The following PTPRG variants were observed in gnomAD, a reference collection of about 807,000 sequenced individuals.
The protein encoded by PTPRG is receptor-type tyrosine-protein phosphatase gamma.
PTPRG carries 102 observed loss-of-function variants against 165.3 expected under a neutral mutation model. That is an observed-to-expected ratio of 0.62 (90% CI 0.53 to 0.73). The LOEUF (loss-of-function observed/expected upper bound fraction) is 0.73, where lower values mean the gene tolerates loss of function less well. Ranked by LOEUF, PTPRG falls within the 30% of genes least tolerant of loss-of-function variation. The pLI, the probability that PTPRG is intolerant of heterozygous loss-of-function variation, is 0.00. For missense variants in PTPRG, 1,866 were observed against 1,861.4 expected, an observed-to-expected ratio of 1.00 and a Z score of -0.05; for synonymous variants, 675 against 669.5, an observed-to-expected ratio of 1.01 and a Z score of -0.13.
At chr3:61,926,913 G>A (rs957569183) in intron 2 of PTPRG, among the ~76,000 whole-genome samples, 3 of 151,798 alleles carry the variant, frequency 2.0e-5, no homozygotes, top group East Asian at 1.9e-4. Context: ...AAAACAGTTC[G>A]GGGGGAAGAA....
chr3:61,748,560 G>T (rs1430997793), intron 1 of PTPRG, among the ~76,000 whole-genome samples: 1 of 152,088 alleles, frequency 6.6e-6, no homozygotes, highest in Non-Finnish European at 1.5e-5. Flanking sequence ...CCATAAAAGG[G>T]CCCCATTATT....
At chr3:61,698,875 T>C (rs1185883384) in intron 1 of PTPRG, among the ~76,000 whole-genome samples, 1 of 152,112 alleles carries the variant, frequency 6.6e-6, no homozygotes, top group East Asian at 1.9e-4. Context: ...TGTAGGGACA[T>C]GGATGAAACT....
chr3:61,935,656 T>G (rs1175686509), intron 2 of PTPRG, among the ~76,000 whole-genome samples: 1 of 151,970 alleles, frequency 6.6e-6, no homozygotes, highest in South Asian at 2.1e-4. Context: ...CTGATATCTT[T>G]TTTTAATCGT....
At chr3:61,940,602 G>T (rs2107604450) in intron 2 of PTPRG, among the ~76,000 whole-genome samples, 1 of 152,122 alleles carries the variant, frequency 6.6e-6, no homozygotes, top group African/African-American at 2.4e-5. Flanking sequence ...ATTTCTCAAG[G>T]GGATTTTATT....
chr3:62,261,943 C>T (rs1409413176), intron 16 of PTPRG: 1 of 152,144 alleles, frequency 6.6e-6, no homozygotes, highest in Non-Finnish European at 1.5e-5. Context: ...CTGTGTAAAA[C>T]ATTTCTCCTG....
At chr3:62,138,714 CAAAAA>C (rs563632840) in intron 6 of PTPRG, among the ~76,000 whole-genome samples, 9 of 91,388 alleles carry the variant, frequency 9.8e-5, no homozygotes, top group Non-Finnish European at 1.4e-4. Context: ...GGCAAAGCTC[CAAAAA>C]AAAAAAAAAA....
chr3:62,273,169 T>C lies in PTPRG; in HGVS notation c.3318+88T>C. 1 of 1,378,050 alleles carries C rather than the reference T, an allele frequency of 7.3e-7. No individual in the cohort carries two copies. Among genetic ancestry groups the C allele is most frequent in the African/African-American group, 1.5e-5 (1 of 68,300 alleles). 85.4% of individuals were successfully genotyped at this position (1,378,050 alleles called of 1,614,324 possible). Reference sequence around the variant, plus strand: ...AATGATAATGAAGAGACAGATTCATTCTTTTAGGGCTTGCAGTAATTTACA... The same window carrying C: ...AATGATAATGAAGAGACAGATTCATCCTTTTAGGGCTTGCAGTAATTTACA... On this transcript the variant is annotated intron_variant, in intron 22 of 29. Coordinates refer to ENST00000474889, the MANE Select transcript of PTPRG (RefSeq NM_002841.4). The surrounding 1 kb of genome is among the most constrained non-coding windows in gnomAD (Gnocchi z 4.1).
intron 1 of PTPRG, among the ~76,000 whole-genome samples, chr3:61,652,544 A>T (rs1432740688): frequency 6.6e-6 from 1 of 151,510 alleles, no homozygotes; most frequent in Non-Finnish European, 1.5e-5. Flanking sequence ...AGTGGAGCAA[A>T]TGTTCCCCTT....
At chr3:61,622,374 T>C in intron 1 of PTPRG, among the ~76,000 whole-genome samples, 1 of 152,162 alleles carries the variant, frequency 6.6e-6, no homozygotes, top group Admixed American at 6.6e-5. Flanking sequence ...TATTTGTAAT[T>C]AGTGCCTAAC....
At chr3:62,212,778 G>T (rs1007732453) in intron 12 of PTPRG, among the ~76,000 whole-genome samples, 1 of 152,160 alleles carries the variant, frequency 6.6e-6, no homozygotes, top group Non-Finnish European at 1.5e-5. Context: ...TGCCAACCTT[G>T]AACATTTCTA....
chr3:62,082,414 C>G (rs1342077079), intron 5 of PTPRG, among the ~76,000 whole-genome samples: 3 of 152,208 alleles, frequency 2.0e-5, no homozygotes, highest in African/African-American at 7.2e-5. Flanking sequence ...GTTACTTGCA[C>G]TTTGCCCCAT....
In PTPRG at chr3:62,015,056, G is replaced by C. The variant is rs182089540; in HGVS notation, c.519+11559G>C. On this transcript the variant is annotated intron_variant, in intron 4 of 29. Transcript: ENST00000474889. ...TAGGGAAACCCCAAATAGTTCAGTG[G>C]AGAGCTTTTCTTTCAGCCATGATGC... 2.3e-4 allele frequency among the ~76,000 whole-genome samples: 35 copies of C among 152,318 alleles called. 1 individual carries two copies. Among genetic ancestry groups the C allele is most frequent in the Admixed American group, 2.0e-3 (31 of 15,306 alleles).
In PTPRG at chr3:62,078,108, C is replaced by T. The variant is rs1701450967; in HGVS notation, c.520-55C>T. ...TACATTTATGGTACTATTCTCTCAA[C>T]TTTTTATTTATGTTTGAAAATTTTC... On this transcript the variant is annotated intron_variant, in intron 4 of 29. Transcript: ENST00000474889. The T allele has an allele frequency of 1.3e-5, 17 of 1,267,212 alleles. No homozygotes were observed. In the South Asian group the frequency reaches 2.1e-4, roughly 16 times the overall value. 78.5% of individuals were successfully genotyped at this position (1,267,212 alleles called of 1,614,324 possible).
chr3:61,728,251 A>G (rs114370248), intron 1 of PTPRG, among the ~76,000 whole-genome samples: 11 of 152,310 alleles, frequency 7.2e-5, no homozygotes, highest in Admixed American at 1.3e-4. Context: ...TCTGGTGCTT[A>G]CTTTAAAAGG....
chr3:61,768,151 C>A (rs748153114), intron 2 of PTPRG, among the ~76,000 whole-genome samples: 2 of 152,038 alleles, frequency 1.3e-5, no homozygotes, highest in Non-Finnish European at 2.9e-5. Context: ...TGTTTATGGT[C>A]TTTGAATTTG....
At chr3:61,851,896 G>C (rs1344766119) in intron 2 of PTPRG, among the ~76,000 whole-genome samples, 2 of 152,088 alleles carry the variant, frequency 1.3e-5, no homozygotes, top group Non-Finnish European at 2.9e-5. Flanking sequence ...TTTTAAATTG[G>C]AGTCACGTAA....
At chr3:61,854,515 A>G (rs1342347400) in intron 2 of PTPRG, among the ~76,000 whole-genome samples, 1 of 152,184 alleles carries the variant, frequency 6.6e-6, no homozygotes, top group Non-Finnish European at 1.5e-5. Context: ...GTGCCTGTTC[A>G]GTGTGTACAC....
At chr3:61,951,315 C>T in intron 2 of PTPRG, among the ~76,000 whole-genome samples, 1 of 152,204 alleles carries the variant, frequency 6.6e-6, no homozygotes, top group Non-Finnish European at 1.5e-5. Flanking sequence ...ACCTGGCTAA[C>T]TTCTTGAACT....
intron 1 of PTPRG, among the ~76,000 whole-genome samples, chr3:61,585,798 C>A (rs988272359): frequency 6.6e-6 from 1 of 152,224 alleles, no homozygotes; most frequent in African/African-American, 2.4e-5. Flanking sequence ...ATCTTTTATT[C>A]AGCATGCAGT....
Sources: allele counts gnomAD v4.1 joint callset (sites outside exome capture counted in the v4.1 genomes callset), GRCh38; gene constraint gnomAD v4.1.1; non-coding constraint Gnocchi (gnomAD v3.1); transcripts MANE v1.5; gene names NCBI Gene and HGNC (gene_info 2026-07-23, HGNC 2026-07-21).